AGBL4: variants seen among roughly 807,000 people sequenced by gnomAD.
The protein encoded by AGBL4 is cytosolic carboxypeptidase 6.
Under a neutral mutation model 66.4 loss-of-function variants are expected in AGBL4, and 58 were observed. The observed-to-expected ratio is 0.87, with a 90% CI of 0.71 to 1.09. The LOEUF is 1.09. Ranked by LOEUF, AGBL4 falls within the 50% of genes least tolerant of loss-of-function variation. AGBL4 has a pLI of 0.00. For missense variants in AGBL4, 579 were observed against 631.0 expected (o/e 0.92, Z 0.88); for synonymous variants, 234 against 222.9 (o/e 1.05, Z -0.44).
intron 8 of AGBL4, among the ~76,000 whole-genome samples, chr1:48,642,253 C>T (rs111431427): frequency 0.015 from 2,321 of 152,292 alleles, 60 homozygotes; most frequent in African/African-American, 0.052. Context: ...TCAGCAAGGT[C>T]TTTACCCTAT....
intron 3 of AGBL4, among the ~76,000 whole-genome samples, chr1:49,640,174 C>A (rs529786862): frequency 6.6e-6 from 1 of 152,048 alleles, no homozygotes; most frequent in Admixed American, 6.6e-5. Flanking sequence ...ACATTTTTAG[C>A]AAAAGAGCAT....
intron 1 of AGBL4, among the ~76,000 whole-genome samples, chr1:49,893,644 A>G (rs1249317524): frequency 6.6e-6 from 1 of 152,188 alleles, no homozygotes; most frequent in Non-Finnish European, 1.5e-5. Context: ...CACCAGTGGA[A>G]AAATGAGGAA....
At chr1:49,548,460 A>C (rs536013824) in intron 3 of AGBL4, among the ~76,000 whole-genome samples, 2 of 152,248 alleles carry the variant, frequency 1.3e-5, no homozygotes, top group Admixed American at 6.5e-5. Context: ...TTGTATGCCA[A>C]TTTTGCTGAA....
At chr1:49,763,568 G>A (rs770573829) in intron 2 of AGBL4, among the ~76,000 whole-genome samples, 28 of 152,274 alleles carry the variant, frequency 1.8e-4, no homozygotes, top group Non-Finnish European at 3.7e-4. Context: ...AGTGAAGCTG[G>A]GCAGCCACCC....
chr1:49,800,948 T>C (rs975362342), intron 2 of AGBL4, among the ~76,000 whole-genome samples: 2 of 146,736 alleles, frequency 1.4e-5, no homozygotes, highest in African/African-American at 2.5e-5. Flanking sequence ...CACACTGACT[T>C]CCACAATGGT....
intron 1 of AGBL4, among the ~76,000 whole-genome samples, chr1:49,965,368 CAG>C (rs1657468648): frequency 6.6e-6 from 1 of 152,196 alleles, no homozygotes; most frequent in Non-Finnish European, 1.5e-5. Context: ...TACAGGAAAG[CAG>C]AGAGCTGAGA....
intron 3 of AGBL4, among the ~76,000 whole-genome samples, chr1:49,288,471 T>G: frequency 6.6e-6 from 1 of 152,112 alleles, no homozygotes. Flanking sequence ...AAATAGGGAT[T>G]GGTTTTCAGG....
At position 49,990,983 on chromosome 1, in the gene AGBL4, C is replaced by G. The variant is rs369131238; in HGVS notation, c.34+32780G>C. On this transcript the variant is annotated intron_variant, in intron 1 of 13. Transcript: ENST00000371839. Reference sequence around the variant, plus strand: ...ATATGCGTAATCGTCATTAAAAAAACTCAAACCTAATAGGGTCATTTGAGA... The same window carrying G: ...ATATGCGTAATCGTCATTAAAAAAAGTCAAACCTAATAGGGTCATTTGAGA... Among the ~76,000 whole-genome samples the G allele has an allele frequency of 3.3e-4, 50 of 152,136 alleles. 1 individual carries two copies. In the South Asian group the frequency reaches 9.5e-3, roughly 29 times the overall value.
chr1:49,944,811 C>G (rs764816256), intron 1 of AGBL4, among the ~76,000 whole-genome samples: 1 of 151,514 alleles, frequency 6.6e-6, no homozygotes, highest in South Asian at 2.1e-4. Context: ...CCAAAAAAAA[C>G]AATCATACAA....
chr1:48,577,696 C>CAG (rs35622026), intron 11 of AGBL4, among the ~76,000 whole-genome samples: 41,514 of 151,734 alleles, frequency 0.27, 6,839 homozygotes, highest in Middle Eastern at 0.37. Flanking sequence ...CCGGGCACTG[C>CAG]AGAGAGAGAG....
chr1:49,254,354 A>T (rs1289391602), intron 3 of AGBL4, among the ~76,000 whole-genome samples: 1 of 152,148 alleles, frequency 6.6e-6, no homozygotes, highest in African/African-American at 2.4e-5. Context: ...AATCACTAGC[A>T]TTTCTATACC....
intron 3 of AGBL4, among the ~76,000 whole-genome samples, chr1:49,554,844 T>A (rs1653280519): frequency 6.6e-6 from 1 of 151,984 alleles, no homozygotes; most frequent in Non-Finnish European, 1.5e-5. Flanking sequence ...GACCTTCGGG[T>A]GAGTGTTACA....
chr1:49,582,665 T>A (rs1251608392), intron 3 of AGBL4, among the ~76,000 whole-genome samples: 2 of 152,212 alleles, frequency 1.3e-5, no homozygotes, highest in Non-Finnish European at 2.9e-5. Flanking sequence ...TCCAAAACCA[T>A]GCACCGTTTG....
chr1:49,681,621 G>A (rs552645489), intron 3 of AGBL4, among the ~76,000 whole-genome samples: 2 of 152,144 alleles, frequency 1.3e-5, no homozygotes, highest in East Asian at 3.9e-4. Flanking sequence ...AAATGTTCAG[G>A]GTTTTAGTTG....
At chr1:49,211,510 G>C (rs903400948) in intron 4 of AGBL4, among the ~76,000 whole-genome samples, 4 of 152,134 alleles carry the variant, frequency 2.6e-5, no homozygotes, top group Admixed American at 2.0e-4. Flanking sequence ...ATGTGAAAAT[G>C]CAGGCACAGT....
At chr1:48,539,507 G>C (rs924633849) in intron 12 of AGBL4, 135 bp downstream of exon 12, 1 of 619,312 alleles carries the variant, frequency 1.6e-6, no homozygotes, top group Non-Finnish European at 2.5e-6. Flanking sequence ...ATAAAATCTC[G>C]GTGGCAGGGC....
intron 3 of AGBL4, among the ~76,000 whole-genome samples, chr1:49,310,708 T>A (rs1450214633): frequency 6.6e-6 from 1 of 152,036 alleles, no homozygotes; most frequent in African/African-American, 2.4e-5. Context: ...TCTAAGACTG[T>A]CACAGCATTT....
intron 3 of AGBL4, among the ~76,000 whole-genome samples, chr1:49,493,897 G>A (rs1048719708): frequency 6.6e-6 from 1 of 151,944 alleles, no homozygotes; most frequent in Non-Finnish European, 1.5e-5. Context: ...AAGGAAAGGG[G>A]TTTGTATACA....
intron 3 of AGBL4, among the ~76,000 whole-genome samples, chr1:49,248,193 T>C (rs190112793): frequency 5.0e-4 from 76 of 152,316 alleles, no homozygotes; most frequent in African/African-American, 1.6e-3. Context: ...ATCCATAAGA[T>C]AATGGTAACC....
Sources: gnomAD v4.1 joint callset for allele counts (sites outside exome capture counted in the v4.1 genomes callset) on GRCh38, gnomAD v4.1.1 for gene constraint, MANE v1.5 for transcripts, NCBI Gene and HGNC (gene_info 2026-07-23, HGNC 2026-07-21) for gene names.